RBMS2: variants seen among roughly 807,000 people sequenced by gnomAD.
The protein encoded by RBMS2 is RNA binding motif single stranded interacting protein 2.
RBMS2 carries 38 observed loss-of-function variants against 58.4 expected under a neutral mutation model. The observed-to-expected ratio is 0.65, with a 90% CI of 0.50 to 0.85. RBMS2 has a LOEUF of 0.85. Ranked by LOEUF, RBMS2 falls within the 40% of genes least tolerant of loss-of-function variation. RBMS2 has a pLI of 0.00. For missense variants in RBMS2, 367 were observed against 503.7 expected, an observed-to-expected ratio of 0.73 and a Z score of 2.60; for synonymous variants, 151 against 180.7, an observed-to-expected ratio of 0.84 and a Z score of 1.32.
rs1408680476 is a variant in RBMS2, at chr12:56,569,154, T to TA, written c.292+122dup. On this transcript the variant is annotated intron_variant, in intron 3 of 13. Transcript: ENST00000262031. ...GTCAGCGAGAAGTCCCTGAAGTTTT[T>TA]AGGCTTAAAAGATTAGGAGATATTT... The TA allele has an allele frequency of 4.6e-6, 4 of 873,470 alleles. No homozygotes were observed. In the African/African-American group the frequency reaches 5.1e-5, roughly 11 times the overall value. The allele number at this position is 873,470 out of a possible 1,614,324, so 54.1% of individuals were successfully genotyped here.
At chr12:56,558,298 G>A (rs1333721228) in intron 1 of RBMS2, among the ~76,000 whole-genome samples, 4 of 149,224 alleles carry the variant, frequency 2.7e-5, no homozygotes, top group African/African-American at 9.8e-5. Flanking sequence ...CGCCAGCCTC[G>A]GCCTCCCAAA....
chr12:56,523,720 A>T (rs968154547), intron 1 of RBMS2, among the ~76,000 whole-genome samples: 1 of 152,230 alleles, frequency 6.6e-6, no homozygotes, highest in African/African-American at 2.4e-5. Context: ...GGATTGTGCC[A>T]CTGCACTCCA....
Position 56,581,404 on chromosome 12 carries a change from T to G in RBMS2, c.628T>G (p.Ser210Ala). The G allele has an allele frequency of 6.2e-7, 1 of 1,614,106 alleles. No homozygotes were observed. Among genetic ancestry groups the G allele is most frequent in the Non-Finnish European group, 8.5e-7 (1 of 1,180,002 alleles). Residue 210 changes from serine to alanine, a missense_variant, in exon 7 of 14, where the codon TCC becomes GCC. Ser to Ala is a moderately conservative substitution (Grantham distance 99, BLOSUM62 1). Transcript: ENST00000262031. ...IKTPPGVPAPSDPLLCKFADG... is the reference protein window; with the variant it reads ...IKTPPGVPAPADPLLCKFADG... ...TCTGCCTTCTCTCTCGGCAGCCCCA[T>G]CCGATCCCTTGCTTTGCAAATTTGC...
chr12:56,562,674 A>G (rs1379426625), intron 2 of RBMS2, 91 bp downstream of exon 2: 2 of 1,385,448 alleles, frequency 1.4e-6, no homozygotes, highest in Non-Finnish European at 2.0e-6. Context: ...GCTAGTCTTG[A>G]ACTCCTGGGC....
chr12:56,556,565 AG>A (rs1018814798), intron 1 of RBMS2, among the ~76,000 whole-genome samples: 45 of 152,016 alleles, frequency 3.0e-4, no homozygotes, highest in African/African-American at 1.1e-3. Flanking sequence ...TAGTAGAGAC[AG>A]GGTTTCACAA....
At chr12:56,588,772 T>C (rs1447388646) in intron 12 of RBMS2, among the ~76,000 whole-genome samples, 160 bp from the exon 13 acceptor site, 1 of 151,498 alleles carries the variant, frequency 6.6e-6, no homozygotes, top group Non-Finnish European at 1.5e-5. Flanking sequence ...TGTAGGAAGG[T>C]TGGGGAAGTG....
chr12:56,521,427 CAAAAAAAAA>C (rs35413431), upstream of RBMS2, among the ~76,000 whole-genome samples: 13 of 91,314 alleles, frequency 1.4e-4, no homozygotes, highest in African/African-American at 6.4e-4. Flanking sequence ...AACTCTGTCT[CAAAAAAAAA>C]AAAAAAAAAT....
Position 56,589,443 on chromosome 12 carries a change from C to A in RBMS2, c.*310C>A. On this transcript the variant is annotated 3_prime_UTR_variant, in exon 14 of 14. Coordinates refer to ENST00000262031, the MANE Select transcript of RBMS2 (RefSeq NM_002898.4). Reference sequence around the variant, plus strand: ...TTTTTAACTGCAACGTACTTTTCCCCTACCTTGAAGAGACATGGTGGTCGC... The same window carrying A: ...TTTTTAACTGCAACGTACTTTTCCCATACCTTGAAGAGACATGGTGGTCGC... 2.0e-6 allele frequency: 1 copy of A among 510,806 alleles called. No individual in the cohort carries two copies. The highest frequency in any genetic ancestry group is 2.9e-6 in the Non-Finnish European group (1 of 349,966). The allele number at this position is 510,806 out of a possible 1,614,324, so 31.6% of individuals were successfully genotyped here.
intron 1 of RBMS2, among the ~76,000 whole-genome samples, chr12:56,554,147 A>G (rs1878814555): frequency 6.6e-6 from 1 of 152,136 alleles, no homozygotes; most frequent in Non-Finnish European, 1.5e-5. Context: ...AATTAGAACG[A>G]AGGACAAAAT....
At chr12:56,577,481 A>G (rs1883309160) in intron 5 of RBMS2, among the ~76,000 whole-genome samples, 1 of 149,094 alleles carries the variant, frequency 6.7e-6, no homozygotes, top group Non-Finnish European at 1.5e-5. Context: ...TATTATTATT[A>G]TTATTATTAT....
chr12:56,582,730 G>A (rs1884133873), intron 9 of RBMS2, among the ~76,000 whole-genome samples: 1 of 152,182 alleles, frequency 6.6e-6, no homozygotes, highest in Admixed American at 6.5e-5. Flanking sequence ...ATGCAGTGGT[G>A]CAATCTCGGC....
intron 9 of RBMS2, among the ~76,000 whole-genome samples, chr12:56,582,836 T>C (rs761544750): frequency 6.6e-6 from 1 of 152,008 alleles, no homozygotes; most frequent in Non-Finnish European, 1.5e-5. Context: ...GCCCAGCTAA[T>C]TTTTGTTTTT....
At chr12:56,581,764 G>A (rs888705558) in intron 7 of RBMS2, 69 bp from the exon 8 acceptor site, 70 of 1,545,454 alleles carry the variant, frequency 4.5e-5, no homozygotes, top group Non-Finnish European at 5.6e-5. Flanking sequence ...CCCAGCCTTG[G>A]ACATTCTGGG....
At chr12:56,583,645 ACT>A (rs1011219555) in intron 9 of RBMS2, among the ~76,000 whole-genome samples, 20 of 110,694 alleles carry the variant, frequency 1.8e-4, no homozygotes, top group African/African-American at 5.9e-4. Flanking sequence ...CAAGAGTGAA[ACT>A]CTGTCTCAAA....
chr12:56,541,621 G>A (rs577653042), intron 1 of RBMS2, among the ~76,000 whole-genome samples: 1 of 152,274 alleles, frequency 6.6e-6, no homozygotes, highest in South Asian at 2.1e-4. Flanking sequence ...ATATTTGTGG[G>A]CTAGTAGATG....
At chr12:56,530,459 C>G (rs1236105427) in intron 1 of RBMS2, among the ~76,000 whole-genome samples, 1 of 143,116 alleles carries the variant, frequency 7.0e-6, no homozygotes, top group Non-Finnish European at 1.5e-5. Flanking sequence ...CTCCTGGGCT[C>G]AAGCGATTCT....
intron 2 of RBMS2, among the ~76,000 whole-genome samples, chr12:56,565,011 C>T (rs1302691666): frequency 1.3e-5 from 2 of 151,946 alleles, no homozygotes; most frequent in African/African-American, 2.4e-5. Flanking sequence ...GACTTCGTCT[C>T]AAAATAATAA....
chr12:56,536,324 A>T (rs1471638520), intron 1 of RBMS2, among the ~76,000 whole-genome samples: 1 of 151,556 alleles, frequency 6.6e-6, no homozygotes, highest in Non-Finnish European at 1.5e-5. Context: ...GGGTTTCACC[A>T]TGTTACCCAG....
At chr12:56,535,919 T>A (rs7303549) in intron 1 of RBMS2, among the ~76,000 whole-genome samples, 68,239 of 151,886 alleles carry the variant, frequency 0.45, 16,190 homozygotes, top group East Asian at 0.6. Context: ...ACGATTGTCC[T>A]GGTGTGGTGG....
Sources: allele counts gnomAD v4.1 joint callset (sites outside exome capture counted in the v4.1 genomes callset), GRCh38; gene constraint gnomAD v4.1.1; transcripts MANE v1.5; gene names NCBI Gene and HGNC (gene_info 2026-07-23, HGNC 2026-07-21).